The following OR3A2 variants were observed in gnomAD, a reference collection of about 807,000 sequenced individuals.
OR3A2 encodes olfactory receptor 3A2.
For synonymous variants in OR3A2, 126 were observed against 159.3 expected (o/e 0.79, Z 1.57); for missense variants, 318 against 392.8 (o/e 0.81, Z 1.61).
chr17:3,367,444 T>G (rs1193152645), intron 2 of OR3A2, among the ~76,000 whole-genome samples: 1 of 151,346 alleles, frequency 6.6e-6, no homozygotes, highest in East Asian at 2.0e-4. Flanking sequence ...CTCCCACTTA[T>G]GAGTGAGAAC....
intron 3 of OR3A2, among the ~76,000 whole-genome samples, chr17:3,306,070 G>T (rs2048997809): frequency 6.6e-6 from 1 of 152,234 alleles, no homozygotes; most frequent in African/African-American, 2.4e-5. Flanking sequence ...GGATACTCAA[G>T]AAGGTGGTTC....
chr17:3,358,601 T>A (rs982420680), intron 2 of OR3A2, among the ~76,000 whole-genome samples: 1 of 151,808 alleles, frequency 6.6e-6, no homozygotes, highest in African/African-American at 2.4e-5. Flanking sequence ...GTGATTTTAA[T>A]AATCTTGACT....
At chr17:3,342,451 G>C (rs1390075916) in intron 2 of OR3A2, among the ~76,000 whole-genome samples, 1 of 152,136 alleles carries the variant, frequency 6.6e-6, no homozygotes, top group Non-Finnish European at 1.5e-5. Flanking sequence ...ATGGGGTTTT[G>C]GTGTGGATGT....
intron 3 of OR3A2, among the ~76,000 whole-genome samples, chr17:3,332,835 C>A (rs933135799): frequency 6.6e-6 from 1 of 152,190 alleles, no homozygotes; most frequent in Non-Finnish European, 1.5e-5. Context: ...TGTCTTTAAT[C>A]TCTTAACTCT....
intron 2 of OR3A2, among the ~76,000 whole-genome samples, chr17:3,363,039 T>C (rs1475688088): frequency 1.3e-5 from 2 of 151,804 alleles, no homozygotes; most frequent in Non-Finnish European, 2.9e-5. Flanking sequence ...GACACCATTT[T>C]TCCCTCTTAG....
rs1351125544 is a variant in OR3A2 at position 3,372,179 on chromosome 17, C to T, written c.-179+11625G>A. Among the ~76,000 whole-genome samples the T allele has an allele frequency of 7.3e-5, 11 of 150,670 alleles. No individual in the cohort carries two copies. In the South Asian group the frequency reaches 1.3e-3, roughly 17 times the overall value. ...GCCGGGTAGAGGTGCTCCTCACATC[C>T]CAGACGGGGCAGCGGGGCAGAGGCG... On this transcript the variant is annotated intron_variant, in intron 2 of 4. Coordinates refer to the OR3A2 transcript ENST00000573491.
chr17:3,317,629 A>G (rs1311412612), intron 3 of OR3A2, among the ~76,000 whole-genome samples: 1 of 152,146 alleles, frequency 6.6e-6, no homozygotes, highest in Non-Finnish European at 1.5e-5. Context: ...TAAAATAGGA[A>G]TGGGAATCAT....
intron 2 of OR3A2, among the ~76,000 whole-genome samples, chr17:3,344,941 T>C (rs2049349933): frequency 6.6e-6 from 1 of 152,094 alleles, no homozygotes. Context: ...TCAAACAAAG[T>C]CTCTAGGACT....
chr17:3,310,369 TCA>T (rs1434969628), intron 3 of OR3A2: 1 of 534,744 alleles, frequency 1.9e-6, no homozygotes, highest in Non-Finnish European at 3.8e-6. Context: ...CTGCTGGGCC[TCA>T]CAGAGACTGC....
chr17:3,349,312 A>G (rs1484604000), intron 2 of OR3A2, among the ~76,000 whole-genome samples: 6 of 152,134 alleles, frequency 3.9e-5, no homozygotes, highest in South Asian at 2.1e-4. Context: ...ACACACATAG[A>G]CTCAAAATAA....
chr17:3,286,749 T>C (rs952466182), upstream of OR3A2, among the ~76,000 whole-genome samples: 1 of 152,236 alleles, frequency 6.6e-6, no homozygotes, highest in East Asian at 1.9e-4. Flanking sequence ...TTCATATCCT[T>C]CGCTCACTTT....
chr17:3,373,101 T>C (rs1236519574), intron 2 of OR3A2, among the ~76,000 whole-genome samples: 1 of 152,124 alleles, frequency 6.6e-6, no homozygotes, highest in East Asian at 1.9e-4. Context: ...GTGTGTGTAG[T>C]TTTGAGGGTT....
chr17:3,350,673 A>T (rs2049412530), intron 2 of OR3A2, among the ~76,000 whole-genome samples: 1 of 150,726 alleles, frequency 6.6e-6, no homozygotes, highest in Non-Finnish European at 1.5e-5. Context: ...ATCCTCCCTA[A>T]CTCATTTTAT....
intron 3 of OR3A2, among the ~76,000 whole-genome samples, chr17:3,307,722 C>T (rs1017227231): frequency 6.6e-6 from 1 of 152,076 alleles, no homozygotes; most frequent in East Asian, 1.9e-4. Flanking sequence ...GAAGAGAAGC[C>T]GGGCTTGAGG....
intron 3 of OR3A2, among the ~76,000 whole-genome samples, chr17:3,324,550 T>G (rs1357726257): frequency 1.3e-5 from 2 of 152,126 alleles, no homozygotes; most frequent in African/African-American, 2.4e-5. Context: ...GCGGATGTCC[T>G]TCCTGTTTGT....
intron 3 of OR3A2, among the ~76,000 whole-genome samples, chr17:3,293,145 A>G (rs1206235697): frequency 7.8e-6 from 1 of 128,502 alleles, no homozygotes; most frequent in Non-Finnish European, 1.7e-5. Flanking sequence ...AAATGAGTAT[A>G]ATTCTCTTAA....
intron 3 of OR3A2, among the ~76,000 whole-genome samples, chr17:3,304,773 T>A (rs2048988637): frequency 6.6e-6 from 1 of 152,100 alleles, no homozygotes; most frequent in East Asian, 1.9e-4. Flanking sequence ...ATTCTACCAA[T>A]CATTTAAAAA....
chr17:3,320,079 G>A (rs1415079037), intron 3 of OR3A2, among the ~76,000 whole-genome samples: 1 of 152,238 alleles, frequency 6.6e-6, no homozygotes, highest in Non-Finnish European at 1.5e-5. Context: ...TCTAACTGGT[G>A]TGAGATGGTA....
At chr17:3,342,548 C>A (rs1337964944) in intron 2 of OR3A2, among the ~76,000 whole-genome samples, 1 of 152,146 alleles carries the variant, frequency 6.6e-6, no homozygotes, top group Admixed American at 6.5e-5. Context: ...TAGAGTTTGC[C>A]GGAAGTCCAC....
Sources: gnomAD v4.1 joint callset for allele counts (sites outside exome capture counted in the v4.1 genomes callset) on GRCh38, gnomAD v4.1.1 for gene constraint, MANE v1.5 for transcripts, NCBI Gene and HGNC (gene_info 2026-07-23, HGNC 2026-07-21) for gene names.